OLFM3: variants seen among roughly 807,000 people sequenced by gnomAD.
The protein encoded by OLFM3 is noelin-3.
Under a neutral mutation model 48.6 loss-of-function variants are expected in OLFM3, and 20 were observed. The ratio of observed to expected loss-of-function variants is 0.41; its 90% CI spans 0.29 to 0.60. The LOEUF (loss-of-function observed/expected upper bound fraction) is 0.60. OLFM3 is among the 20% of genes least tolerant of loss of function. OLFM3 has a pLI of 0.28. For synonymous variants in OLFM3, 222 were observed against 198.1 expected (o/e 1.12, Z -1.01); for missense variants, 437 against 544.3 (o/e 0.80, Z 1.96).
At chr1:101,905,598 G>A (rs1658524920) in intron 1 of OLFM3, among the ~76,000 whole-genome samples, 1 of 152,088 alleles carries the variant, frequency 6.6e-6, no homozygotes, top group African/African-American at 2.4e-5. Flanking sequence ...TGCTCATCAA[G>A]CTAACAGCCA....
chr1:101,888,443 G>C (rs564695834), intron 1 of OLFM3, among the ~76,000 whole-genome samples: 18 of 152,036 alleles, frequency 1.2e-4, no homozygotes, highest in East Asian at 3.9e-4. Flanking sequence ...AACTGGCTAG[G>C]CATATGTAGA....
intron 4 of OLFM3, among the ~76,000 whole-genome samples, chr1:101,823,139 C>T (rs1193423130): frequency 1.3e-5 from 2 of 151,936 alleles, no homozygotes; most frequent in Non-Finnish European, 2.9e-5. Context: ...GTTTTCTAGG[C>T]ATTGGAAGAT....
chr1:101,824,487 G>A (rs995693899), intron 4 of OLFM3, among the ~76,000 whole-genome samples: 1 of 152,146 alleles, frequency 6.6e-6, no homozygotes, highest in Middle Eastern at 3.2e-3. Context: ...ACCTATTTAA[G>A]TAGCTGCCAC....
chr1:101,960,834 G>A (rs988783000), intron 1 of OLFM3, among the ~76,000 whole-genome samples: 2 of 152,086 alleles, frequency 1.3e-5, no homozygotes, highest in Admixed American at 1.3e-4. Context: ...AGCATCCATC[G>A]TTAACCACTC....
chr1:101,842,410 A>C (rs980703195), intron 1 of OLFM3, among the ~76,000 whole-genome samples: 1 of 152,004 alleles, frequency 6.6e-6, no homozygotes, highest in Non-Finnish European at 1.5e-5. Flanking sequence ...GGTAGCCTAT[A>C]GTCCCAGCTA....
intron 1 of OLFM3, among the ~76,000 whole-genome samples, chr1:101,925,494 T>G (rs1659243703): frequency 6.6e-6 from 1 of 151,938 alleles, no homozygotes; most frequent in African/African-American, 2.4e-5. Flanking sequence ...TGTGTGTGTG[T>G]CTGTAGTCTA....
At chr1:101,988,353 T>C (rs1343982631) in intron 1 of OLFM3, among the ~76,000 whole-genome samples, 2 of 152,060 alleles carry the variant, frequency 1.3e-5, no homozygotes, top group South Asian at 2.1e-4. Context: ...CACAGGAGTA[T>C]TGAAGTTGCA....
chr1:101,938,581 G>A (rs1354183948), intron 1 of OLFM3, among the ~76,000 whole-genome samples: 1 of 152,210 alleles, frequency 6.6e-6, no homozygotes, highest in Non-Finnish European at 1.5e-5. Flanking sequence ...GTCTCTTAAA[G>A]TTATGCACAT....
intron 1 of OLFM3, among the ~76,000 whole-genome samples, chr1:101,902,819 T>A (rs1427457885): frequency 1.3e-5 from 2 of 152,108 alleles, no homozygotes; most frequent in African/African-American, 4.8e-5. Flanking sequence ...ACCCCCATTT[T>A]AAATGTAGGA....
chr1:101,819,105 C>G (rs978074996), intron 4 of OLFM3, among the ~76,000 whole-genome samples: 2 of 151,992 alleles, frequency 1.3e-5, no homozygotes, highest in Admixed American at 1.3e-4. Context: ...TGTGGGAGAC[C>G]ATGCCAGGGG....
chr1:101,812,402 A>G (rs1486231937), intron 4 of OLFM3: 2 of 971,592 alleles, frequency 2.1e-6, no homozygotes, highest in Non-Finnish European at 2.4e-6. Context: ...CTCCTATGGT[A>G]TAGGTACCTT....
intron 1 of OLFM3, among the ~76,000 whole-genome samples, chr1:101,921,287 G>C (rs1419155746): frequency 1.3e-5 from 2 of 151,302 alleles, no homozygotes; most frequent in Non-Finnish European, 2.9e-5. Context: ...ATGATCCCTT[G>C]ATTCAAGCAA....
At chr1:101,975,069 G>A (rs1660915098) in intron 1 of OLFM3, among the ~76,000 whole-genome samples, 1 of 152,164 alleles carries the variant, frequency 6.6e-6, no homozygotes, top group Non-Finnish European at 1.5e-5. Context: ...GTGGAGGCAT[G>A]TGCTTTACAG....
Position 101,804,199 on chromosome 1 carries a change from A to G in OLFM3, c.*39T>C, listed in dbSNP as rs781447284. On this transcript the variant is annotated 3_prime_UTR_variant, in exon 6 of 6. Transcript: ENST00000370103. This position sits in a 1 kb window ranked among gnomAD's most constrained non-coding sequence, Gnocchi z 4.5. ...AGGGGTCTTATAGAGTTTATCACAAATCACACTGTTTAAATCAATGAAAAC... is the reference window on the plus strand; with the variant it reads ...AGGGGTCTTATAGAGTTTATCACAAGTCACACTGTTTAAATCAATGAAAAC... The G allele has an allele frequency of 1.4e-6, 2 of 1,459,824 alleles. No individual in the cohort carries two copies. The highest frequency in any genetic ancestry group is 1.8e-6 in the Non-Finnish European group (2 of 1,083,390). 90.4% of individuals were successfully genotyped at this position (1,459,824 alleles called of 1,614,324 possible).
At chr1:101,931,463 T>G (rs1394519071) in intron 1 of OLFM3, among the ~76,000 whole-genome samples, 1 of 152,178 alleles carries the variant, frequency 6.6e-6, no homozygotes, top group Non-Finnish European at 1.5e-5. Flanking sequence ...ATTGATCTTA[T>G]AGTAAGTGAC....
chr1:101,860,633 C>G (rs1656614111), intron 1 of OLFM3, among the ~76,000 whole-genome samples: 2 of 151,958 alleles, frequency 1.3e-5, no homozygotes, highest in South Asian at 2.1e-4. Flanking sequence ...TTTGGTCAGA[C>G]CAGTTCTCTC....
At chr1:101,830,517 G>A (rs1054631652) in intron 3 of OLFM3, among the ~76,000 whole-genome samples, 155 bp downstream of exon 3, 1 of 152,052 alleles carries the variant, frequency 6.6e-6, no homozygotes, top group African/African-American at 2.4e-5. Context: ...CCAGCTAATG[G>A]TCAGTTTCAG....
At chr1:101,875,745 T>C (rs1237831800) in intron 1 of OLFM3, among the ~76,000 whole-genome samples, 1 of 148,684 alleles carries the variant, frequency 6.7e-6, no homozygotes, top group Admixed American at 6.7e-5. Flanking sequence ...GCTCAAAATA[T>C]GTATGCATGG....
intron 1 of OLFM3, among the ~76,000 whole-genome samples, chr1:101,876,746 T>A: frequency 6.6e-6 from 1 of 151,958 alleles, no homozygotes; most frequent in Non-Finnish European, 1.5e-5. Flanking sequence ...TCACCCTACC[T>A]GAATTCTATA....
Sources: allele counts gnomAD v4.1 joint callset (sites outside exome capture counted in the v4.1 genomes callset), GRCh38; gene constraint gnomAD v4.1.1; non-coding constraint Gnocchi (gnomAD v3.1); transcripts MANE v1.5; gene names NCBI Gene and HGNC (gene_info 2026-07-23, HGNC 2026-07-21).